Variants in CPNE8 observed in about 807,000 individuals in gnomAD.
CPNE8 encodes the protein copine-8.
In CPNE8, 45 loss-of-function variants were observed where a neutral mutation model predicts 81.5. That is an observed-to-expected ratio of 0.55 (90% CI 0.44 to 0.71). The LOEUF (loss-of-function observed/expected upper bound fraction) is 0.71, where lower values mean the gene tolerates loss of function less well. Among genes scored for constraint, CPNE8 ranks in the 30% least tolerant of loss-of-function variants. The probability of loss-of-function intolerance (pLI) is 0.00; values close to 1 mark genes in which losing one functional copy is unlikely to be tolerated. For missense variants in CPNE8, 594 were observed against 672.1 expected, an observed-to-expected ratio of 0.88 and a Z score of 1.28; for synonymous variants, 252 against 226.3, an observed-to-expected ratio of 1.11 and a Z score of -1.02.
At chr12:38,758,452 T>A (rs1369472715) in intron 10 of CPNE8, among the ~76,000 whole-genome samples, 1 of 152,190 alleles carries the variant, frequency 6.6e-6, no homozygotes, top group South Asian at 2.1e-4. Context: ...ATAAGTCCAA[T>A]GTCCAGGTTG....
intron 19 of CPNE8, 55 bp from the exon 20 acceptor site, chr12:38,654,125 AAC>A: frequency 2.6e-6 from 4 of 1,513,906 alleles, no homozygotes; most frequent in Non-Finnish European, 2.6e-6. Context: ...CTATGTAATA[AAC>A]ACAAAAAATC....
intron 6 of CPNE8, among the ~76,000 whole-genome samples, chr12:38,809,107 A>G (rs1942882180): frequency 6.6e-6 from 1 of 152,160 alleles, no homozygotes; most frequent in Non-Finnish European, 1.5e-5. Flanking sequence ...TCAGTTTTCT[A>G]AAATTGCCAA....
At chr12:38,796,751 C>G (rs1464069355) in intron 6 of CPNE8, among the ~76,000 whole-genome samples, 13 of 152,102 alleles carry the variant, frequency 8.5e-5, no homozygotes, top group Non-Finnish European at 1.9e-4. Flanking sequence ...GGAATTGCCT[C>G]ACTCGGGAAG....
rs748672427 is a variant in CPNE8, at chr12:38,680,408, A to AC, written c.1272-2855dup. On this transcript the variant is annotated intron_variant, in intron 16 of 19. Transcript: ENST00000331366. ...AAAGTAGCAGAGCAAATTTTATGTT[A>AC]CTAAGTGTCACCCCAAACTACTTTT... Among the ~76,000 whole-genome samples the AC allele has an allele frequency of 7.2e-5, 11 of 152,064 alleles. 1 individual carries two copies. The highest frequency in any genetic ancestry group is 1.5e-4 in the Non-Finnish European group (10 of 67,896).
chr12:38,701,280 AACT>A (rs1444326704), intron 14 of CPNE8, among the ~76,000 whole-genome samples: 2 of 152,110 alleles, frequency 1.3e-5, no homozygotes, highest in Admixed American at 6.6e-5. Context: ...GTCTTTTAAA[AACT>A]ACTAATTTAG....
chr12:38,731,744 T>C (rs1352541291), intron 10 of CPNE8, among the ~76,000 whole-genome samples: 2 of 151,936 alleles, frequency 1.3e-5, no homozygotes, highest in Admixed American at 1.3e-4. Flanking sequence ...CACTTTCAAG[T>C]TACCCAGGGA....
intron 6 of CPNE8, among the ~76,000 whole-genome samples, chr12:38,784,247 T>A (rs1942120595): frequency 6.6e-6 from 1 of 152,158 alleles, no homozygotes; most frequent in South Asian, 2.1e-4. Context: ...AGTCTTTTAA[T>A]GGCAGAGTTG....
intron 11 of CPNE8, among the ~76,000 whole-genome samples, chr12:38,725,618 C>T (rs1186452214): frequency 1.3e-5 from 2 of 152,204 alleles, no homozygotes; most frequent in Non-Finnish European, 2.9e-5. Flanking sequence ...AAGATGAAAT[C>T]GTTTATGAAT....
Position 38,905,549 on chromosome 12 carries a change from C to T in CPNE8, c.-15G>A. On this transcript the variant is annotated 5_prime_UTR_variant, in exon 1 of 20. Transcript: ENST00000331366. The stretch of plus-strand genomic sequence containing the variant: ...CGGCTGTCCATATTGGGAGGAGGCG[C>T]CTTGGACTTGTCCGGCGCCCACAAC... 7 of 1,553,096 alleles carry T rather than the reference C, an allele frequency of 4.5e-6. No homozygotes were observed. The highest frequency in any genetic ancestry group is 6.1e-6 in the Non-Finnish European group (7 of 1,149,600).
intron 19 of CPNE8, among the ~76,000 whole-genome samples, chr12:38,658,426 G>A (rs1938874412): frequency 6.6e-6 from 1 of 152,188 alleles, no homozygotes; most frequent in African/African-American, 2.4e-5. Context: ...ACGTTTGATT[G>A]GTGTACCTGA....
intron 8 of CPNE8, among the ~76,000 whole-genome samples, chr12:38,764,968 C>G (rs1941657652): frequency 1.3e-5 from 2 of 152,120 alleles, no homozygotes; most frequent in Admixed American, 1.3e-4. Flanking sequence ...GACTTTTTGG[C>G]CTCTTTGCTT....
intron 10 of CPNE8, among the ~76,000 whole-genome samples, chr12:38,742,639 T>G (rs1941134773): frequency 6.7e-6 from 1 of 150,354 alleles, no homozygotes; most frequent in East Asian, 2.0e-4. Flanking sequence ...ATAACAAACC[T>G]GCACATTGTG....
At chr12:38,753,502 T>C (rs1229315714) in intron 10 of CPNE8, among the ~76,000 whole-genome samples, 1 of 152,142 alleles carries the variant, frequency 6.6e-6, no homozygotes, top group African/African-American at 2.4e-5. Flanking sequence ...CAGAGCTCTA[T>C]TTTAAGTCCT....
chr12:38,778,724 T>C (rs138001928), intron 6 of CPNE8, among the ~76,000 whole-genome samples: 1 of 152,348 alleles, frequency 6.6e-6, no homozygotes, highest in Non-Finnish European at 1.5e-5. Flanking sequence ...GACAAATTGT[T>C]AACCTTTCTT....
At chr12:38,837,397 T>C (rs1359991687) in intron 5 of CPNE8, among the ~76,000 whole-genome samples, 2 of 152,144 alleles carry the variant, frequency 1.3e-5, no homozygotes, top group Non-Finnish European at 2.9e-5. Flanking sequence ...CTGTGGAGTA[T>C]GTACTAGGAA....
At chr12:38,763,611 C>T (rs1941616863) in intron 8 of CPNE8, among the ~76,000 whole-genome samples, 1 of 152,164 alleles carries the variant, frequency 6.6e-6, no homozygotes, top group South Asian at 2.1e-4. Context: ...GCCTTAAGCT[C>T]GGTTTTCTGA....
intron 19 of CPNE8, among the ~76,000 whole-genome samples, chr12:38,657,626 G>A (rs901698260): frequency 6.6e-6 from 1 of 152,148 alleles, no homozygotes; most frequent in African/African-American, 2.4e-5. Context: ...CTCCCAGTAG[G>A]GGCCGATAGA....
At chr12:38,863,676 C>T (rs901026614) in intron 3 of CPNE8, among the ~76,000 whole-genome samples, 29 of 152,270 alleles carry the variant, frequency 1.9e-4, no homozygotes, top group Middle Eastern at 3.4e-3. Flanking sequence ...ATGTATTTCA[C>T]CTTCATGACA....
intron 5 of CPNE8, among the ~76,000 whole-genome samples, chr12:38,834,131 G>A (rs964014348): frequency 1.3e-5 from 2 of 152,136 alleles, no homozygotes; most frequent in African/African-American, 4.8e-5. Flanking sequence ...ACATGTCCTA[G>A]CTGGCTTTTA....
Sources: allele counts gnomAD v4.1 joint callset (sites outside exome capture counted in the v4.1 genomes callset), GRCh38; gene constraint gnomAD v4.1.1; transcripts MANE v1.5; gene names NCBI Gene and HGNC (gene_info 2026-07-23, HGNC 2026-07-21).